The following ROS1 variants were observed in gnomAD, a reference collection of about 807,000 sequenced individuals.
ROS1 encodes the protein proto-oncogene tyrosine-protein kinase ROS.
Under a neutral mutation model 273.5 loss-of-function variants are expected in ROS1, and 263 were observed. The ratio of observed to expected loss-of-function variants is 0.96; its 90% CI spans 0.87 to 1.06. ROS1 has a LOEUF of 1.06. Among genes scored for constraint, ROS1 ranks in the 50% least tolerant of loss-of-function variants. ROS1 has a pLI of 0.00. For synonymous variants in ROS1, 1,008 were observed against 954.1 expected, an observed-to-expected ratio of 1.06 and a Z score of -1.04; for missense variants, 2,833 against 2,751.1, an observed-to-expected ratio of 1.03 and a Z score of -0.67.
chr6:117,288,700 G>T lies in ROS1; in HGVS notation c.6818C>A (p.Thr2273Lys). The T allele has an allele frequency of 6.2e-7, 1 of 1,614,010 alleles. No individual in the cohort carries two copies. The highest frequency in any genetic ancestry group is 8.5e-7 in the Non-Finnish European group (1 of 1,179,970). ...REGLNYMVLA[T>K]ECGQGEEKSE... is the part of the protein sequence containing the mutation. ...CTTTTCTTCACCTTGGCCACATTCT[G>T]TAGCAAGTACCATATAGTTTAACCC... The change falls in exon 44 of 44, where the codon ACA becomes AAA. Residue 2273 changes from threonine (T) to lysine (K), a missense_variant. Coordinates refer to ENST00000368507, the MANE Select transcript of ROS1 (RefSeq NM_001378902.1).
At chr6:117,412,729 T>C (rs183688171) in intron 4 of ROS1, among the ~76,000 whole-genome samples, 6 of 152,320 alleles carry the variant, frequency 3.9e-5, no homozygotes, top group Admixed American at 3.3e-4. Context: ...AGAATAGTTA[T>C]ACAAGTTATA....
In ROS1 at chr6:117,356,647, T is replaced by C; in HGVS notation, c.4108A>G (p.Thr1370Ala). ...LEGCQCWRVI[T>A]VPAMLGKTLV... is the part of the protein sequence containing the mutation. ...ATCTTACCGAGCATAGCAGGTACTG[T>C]GATAACTCTCCAACACTGACAGCCT... is the stretch of plus-strand genomic sequence containing the variant. The change falls in exon 26 of 44, where the codon ACA (threonine) becomes GCA (alanine). Residue 1370 changes from threonine to alanine, a missense_variant. By Grantham distance (58) the Thr-to-Ala change is moderately conservative. Coordinates refer to ENST00000368507, the MANE Select transcript of ROS1 (RefSeq NM_001378902.1). 2.5e-6 allele frequency: 4 copies of C among 1,613,506 alleles called. No individual in the cohort carries two copies. Among genetic ancestry groups the C allele is most frequent in the Non-Finnish European group, 3.4e-6 (4 of 1,179,520 alleles).
Position 117,355,616 on chromosome 6 carries a change from GT to G in ROS1, c.4126+1012del, listed in dbSNP as rs1230914772. ...AAATGTTTAATTTTATTTAATTTTA[GT>G]TTTTTTTTTTTTGAGACAGTCTTAC... On this transcript the variant is annotated intron_variant, in intron 26 of 43. Coordinates refer to ENST00000368507, the MANE Select transcript of ROS1 (RefSeq NM_001378902.1). 2.1e-3 allele frequency among the ~76,000 whole-genome samples: 296 copies of G among 144,358 alleles called. 1 individual carries two copies. Among genetic ancestry groups the G allele is most frequent in the African/African-American group, 5.5e-3 (218 of 39,600 alleles). The allele number at this position is 144,358 out of a possible 152,430, so 94.7% of individuals were successfully genotyped here.
chr6:117,362,400 A>G (rs528715841), intron 22 of ROS1, among the ~76,000 whole-genome samples: 1 of 152,000 alleles, frequency 6.6e-6, no homozygotes, highest in Non-Finnish European at 1.5e-5. Context: ...TCCACTTTCC[A>G]TTTCTTTAAC....
rs200822080 is a variant in ROS1 at position 117,394,698 on chromosome 6, A to G, written c.924T>C (p.Thr308=). Residue 308 remains threonine, a synonymous_variant, in exon 10 of 44, where the codon ACT becomes ACC. Coordinates refer to ENST00000368507, the MANE Select transcript of ROS1 (RefSeq NM_001378902.1). ...GTTTTAAAGATCTCTTTCTTAGAGA[A>G]GTTTTTCTGGATAAAAAGAGCCACT... ...EEQWLFLSRK[T]SLRKRSLKHL... 26 of 1,611,970 alleles carry G rather than the reference A, an allele frequency of 1.6e-5. No individual in the cohort carries two copies. In the East Asian group the frequency reaches 3.3e-4, roughly 21 times the overall value.
intron 7 of ROS1, among the ~76,000 whole-genome samples, chr6:117,398,714 C>T (rs1181673426): frequency 6.8e-6 from 1 of 147,166 alleles, no homozygotes; most frequent in African/African-American, 2.5e-5. Flanking sequence ...GTGACTCATG[C>T]TTGTAATCCC....
chr6:117,311,151 A>G lies in ROS1; in HGVS notation c.6118-34T>C, dbSNP rs576755852. The G allele has an allele frequency of 1.3e-4, 170 of 1,313,096 alleles. 2 individuals carry two copies. The South Asian group carries it at 1.8e-3, about 14-fold the overall frequency. 81.3% of individuals were successfully genotyped at this position (1,313,096 alleles called of 1,614,324 possible). On this transcript the variant is annotated intron_variant, in intron 39 of 43. Transcript: ENST00000368507. ...AATGAAAGAAAAATTACAGGTAGTT[A>G]TCTAGTTTGCATGAAATATATACAT... is the stretch of plus-strand genomic sequence containing the variant.
intron 16 of ROS1, 114 bp downstream of exon 16, chr6:117,385,569 A>C: frequency 2.3e-6 from 2 of 881,786 alleles, no homozygotes; most frequent in East Asian, 4.9e-5. Context: ...CATTAAATAA[A>C]TAATAGCATA....
At chr6:117,401,384 A>T (rs989418797) in intron 7 of ROS1, among the ~76,000 whole-genome samples, 8 of 152,200 alleles carry the variant, frequency 5.3e-5, no homozygotes, top group African/African-American at 1.9e-4. Flanking sequence ...ACTCCTTATC[A>T]GGGTCAGTAT....
intron 36 of ROS1, among the ~76,000 whole-genome samples, chr6:117,320,373 G>C (rs1776209126): frequency 6.6e-6 from 1 of 152,042 alleles, no homozygotes; most frequent in Admixed American, 6.6e-5. Flanking sequence ...TGTATAAAAA[G>C]CTACTGCAAA....
rs1773520665 is a variant in ROS1, at chr6:117,287,439, T to A, written c.*1053A>T. Among the ~76,000 whole-genome samples the A allele has an allele frequency of 6.6e-6, 1 of 152,212 alleles. No individual in the cohort carries two copies. Among genetic ancestry groups the A allele is most frequent in the South Asian group, 2.1e-4 (1 of 4,832 alleles). On this transcript the variant is annotated 3_prime_UTR_variant, in exon 44 of 44. Coordinates refer to ENST00000368507, the MANE Select transcript of ROS1 (RefSeq NM_001378902.1). ...AAGTATTTTATACATAAAATAGATA[T>A]GGCAAATAGCAATCTTTATACTAGT... is the stretch of plus-strand genomic sequence containing the variant.
intron 43 of ROS1, among the ~76,000 whole-genome samples, chr6:117,296,751 G>C (rs139254243): frequency 1.3e-5 from 2 of 152,172 alleles, no homozygotes; most frequent in African/African-American, 4.8e-5. Flanking sequence ...TAGCACAATA[G>C]GGTAACTATA....
intron 18 of ROS1, among the ~76,000 whole-genome samples, chr6:117,375,374 C>T (rs554999524): frequency 1.3e-5 from 2 of 152,050 alleles, no homozygotes; most frequent in Non-Finnish European, 2.9e-5. Flanking sequence ...ACCAAAATTT[C>T]AGAATTCACC....
Position 117,418,608 on chromosome 6 carries a change from C to A in ROS1, c.124-102G>T, listed in dbSNP as rs575179690. 5.3e-6 allele frequency: 4 copies of A among 754,982 alleles called. No individual in the cohort carries two copies. The African/African-American group carries it at 7.4e-5, about 14-fold the overall frequency. The allele number at this position is 754,982 out of a possible 1,614,324, so 46.8% of individuals were successfully genotyped here. On this transcript the variant is annotated intron_variant, in intron 1 of 43. Transcript: ENST00000368507. ...CTTCCTGAAATAACGTTGCCTCCTC[C>A]GCATTTTGTAACTCTAAAGTAAAGA...
In ROS1 at chr6:117,409,662, T is replaced by C; in HGVS notation, c.256-20A>G. The C allele has an allele frequency of 1.2e-6, 2 of 1,610,080 alleles. No homozygotes were observed. Among genetic ancestry groups the C allele is most frequent in the Non-Finnish European group, 1.7e-6 (2 of 1,176,480 alleles). ...CTCCCGCTGTGGAAGACAGGGAGCA[T>C]GACAGTCAGGGCAGCCTTGATACTG... On this transcript the variant is annotated intron_variant, in intron 4 of 43. Transcript: ENST00000368507.
rs994469959 is a variant in ROS1, at chr6:117,287,879, T to G, written c.*613A>C. ...AGTTTGCAGTGCCGAGATCGTGCCA[T>G]TGAACTCCAGCCTGGGCAACAGAGC... On this transcript the variant is annotated 3_prime_UTR_variant, in exon 44 of 44. Coordinates refer to ENST00000368507, the MANE Select transcript of ROS1 (RefSeq NM_001378902.1). 1.3e-5 allele frequency among the ~76,000 whole-genome samples: 2 copies of G among 148,910 alleles called. No homozygotes were observed. The highest frequency in any genetic ancestry group is 5.0e-5 in the African/African-American group (2 of 40,330).
intron 43 of ROS1, 95 bp downstream of exon 43, chr6:117,300,879 G>T: frequency 1.1e-6 from 1 of 927,182 alleles, no homozygotes; most frequent in Non-Finnish European, 1.5e-6. Flanking sequence ...TATTCTTTTT[G>T]CCTACCCCAA....
At position 117,397,082 on chromosome 6, in the gene ROS1, C is replaced by G; in HGVS notation, c.639G>C (p.Glu213Asp). 6.2e-7 allele frequency: 1 copy of G among 1,613,494 alleles called. No individual in the cohort carries two copies. The highest frequency in any genetic ancestry group is 1.1e-5 in the South Asian group (1 of 91,036). ...PETAPLIRNI[E>D]SSSPDTVEVS... The stretch of plus-strand genomic sequence containing the variant: ...CTTCCACAGTGTCGGGACTTGAGCT[C>G]TCAATATTCCTAATCAAAGGTGCAG... The change falls in exon 8 of 44, where the codon GAG becomes GAC. Residue 213 changes from glutamate to aspartate, a missense_variant. By Grantham distance (45) the Glu-to-Asp change is conservative. Coordinates refer to ENST00000368507, the MANE Select transcript of ROS1 (RefSeq NM_001378902.1).
intron 32 of ROS1, among the ~76,000 whole-genome samples, chr6:117,334,439 C>T (rs1179725674): frequency 6.6e-6 from 1 of 152,148 alleles, no homozygotes; most frequent in African/African-American, 2.4e-5. Flanking sequence ...TTTATAGATT[C>T]AATGCTATTC....
Sources: allele counts gnomAD v4.1 joint callset (sites outside exome capture counted in the v4.1 genomes callset), GRCh38; gene constraint gnomAD v4.1.1; transcripts MANE v1.5; gene names NCBI Gene and HGNC (gene_info 2026-07-23, HGNC 2026-07-21).